Variants in MAP4K5 observed in about 807,000 individuals in gnomAD.
MAP4K5 encodes mitogen-activated protein kinase kinase kinase kinase 5.
Under a neutral mutation model 135.6 loss-of-function variants are expected in MAP4K5, and 82 were observed. The ratio of observed to expected loss-of-function variants is 0.60; its 90% CI spans 0.51 to 0.73. The LOEUF (loss-of-function observed/expected upper bound fraction) is 0.73. Ranked by LOEUF, MAP4K5 falls within the 30% of genes least tolerant of loss-of-function variation. The pLI is 0.00. For synonymous variants in MAP4K5, 347 were observed against 335.0 expected (o/e 1.04, Z -0.39); for missense variants, 907 against 1,010.9 (o/e 0.90, Z 1.39).
At chr14:50,534,891 A>G (rs1310007103), upstream of MAP4K5, among the ~76,000 whole-genome samples, 1 of 152,262 alleles carries the variant, frequency 6.6e-6, no homozygotes, top group Non-Finnish European at 1.5e-5. Context: ...ATGTACACTG[A>G]GTAAATTTAA....
At chr14:50,543,196 T>C (rs114764272) in intron 1 of MAP4K5, among the ~76,000 whole-genome samples, 8 of 152,354 alleles carry the variant, frequency 5.3e-5, no homozygotes, top group African/African-American at 1.9e-4. Flanking sequence ...GATTCAACAA[T>C]GTAGACTTCT....
At chr14:50,545,475 T>TC (rs2038619698) in intron 1 of MAP4K5, among the ~76,000 whole-genome samples, 1 of 152,126 alleles carries the variant, frequency 6.6e-6, no homozygotes, top group Non-Finnish European at 1.5e-5. Flanking sequence ...GGTGAAATAG[T>TC]CCAACTGCTC....
intron 1 of MAP4K5, among the ~76,000 whole-genome samples, chr14:50,547,214 G>A (rs888331847): frequency 7.2e-5 from 11 of 152,128 alleles, no homozygotes; most frequent in Non-Finnish European, 1.2e-4. Context: ...TGCTAAAAAC[G>A]AATGAATTGG....
chr14:50,425,499 A>C (rs1317615939), intron 31 of MAP4K5, among the ~76,000 whole-genome samples: 1 of 152,168 alleles, frequency 6.6e-6, no homozygotes, highest in Non-Finnish European at 1.5e-5. Flanking sequence ...ATAGTTACTA[A>C]ATGAGTCAAT....
chr14:50,477,426 T>TTGTA (rs2037126510), intron 6 of MAP4K5, among the ~76,000 whole-genome samples: 1 of 152,134 alleles, frequency 6.6e-6, no homozygotes, highest in African/African-American at 2.4e-5. Context: ...ATAAAGAGAG[T>TTGTA]TGTACTTCCT....
At chr14:50,489,064 T>A (rs2037427973) in intron 3 of MAP4K5, among the ~76,000 whole-genome samples, 1 of 152,230 alleles carries the variant, frequency 6.6e-6, no homozygotes, top group East Asian at 1.9e-4. Flanking sequence ...AACTGGGTGA[T>A]ACGCCAAATT....
At chr14:50,424,417 G>A (rs184636287) in intron 31 of MAP4K5, among the ~76,000 whole-genome samples, 165 of 152,076 alleles carry the variant, frequency 1.1e-3, no homozygotes, top group Non-Finnish European at 2.0e-3. Flanking sequence ...TAATCAAGAC[G>A]AATTAAAAAT....
At chr14:50,508,842 A>T (rs1346718992) in intron 2 of MAP4K5, among the ~76,000 whole-genome samples, 4 of 152,150 alleles carry the variant, frequency 2.6e-5, no homozygotes, top group African/African-American at 9.7e-5. Context: ...AAGGATCTAG[A>T]ACTAGAAATA....
chr14:50,542,211 C>T (rs1010299245), intron 2 of MAP4K5, among the ~76,000 whole-genome samples: 1 of 136,400 alleles, frequency 7.3e-6, no homozygotes, highest in Non-Finnish European at 1.5e-5. Context: ...TGTTCTCACT[C>T]ATAAGTGAGA....
intron 12 of MAP4K5, among the ~76,000 whole-genome samples, chr14:50,463,490 G>A (rs932145026): frequency 2.6e-5 from 4 of 152,112 alleles, no homozygotes; most frequent in Non-Finnish European, 4.4e-5. Flanking sequence ...TATATACACT[G>A]TTTATGGCTG....
intron 5 of MAP4K5, among the ~76,000 whole-genome samples, chr14:50,484,168 T>A (rs1464722395): frequency 6.6e-6 from 1 of 152,126 alleles, no homozygotes; most frequent in Non-Finnish European, 1.5e-5. Flanking sequence ...AAAAATTAAA[T>A]CCAGTGGCAC....
At chr14:50,427,710 T>C (rs17122524) in intron 30 of MAP4K5, among the ~76,000 whole-genome samples, 13,913 of 152,184 alleles carry the variant, frequency 0.091, 748 homozygotes, top group African/African-American at 0.16. Context: ...CTGGGGAAGA[T>C]ACTGACATAT....
intron 6 of MAP4K5, among the ~76,000 whole-genome samples, chr14:50,477,184 AG>A (rs2037121414): frequency 6.6e-6 from 1 of 152,120 alleles, no homozygotes; most frequent in Non-Finnish European, 1.5e-5. Flanking sequence ...TTCTGTATGC[AG>A]GTGTTTATGC....
chr14:50,444,524 G>A (rs917123765), intron 18 of MAP4K5, among the ~76,000 whole-genome samples: 7 of 151,990 alleles, frequency 4.6e-5, no homozygotes, highest in South Asian at 2.1e-4. Context: ...TGGGGCAGGC[G>A]GATCACTTGA....
At position 50,435,040 on chromosome 14, in the gene MAP4K5, T is replaced by A. The variant is rs771307932; in HGVS notation, c.1908A>T (p.Lys636Asn). 1 of 1,609,868 alleles carries A rather than the reference T, an allele frequency of 6.2e-7. No individual in the cohort carries two copies. Among genetic ancestry groups the A allele is most frequent in the Non-Finnish European group, 8.5e-7 (1 of 1,177,218 alleles). ...CIVRNPYTGH[K>N]YLCGALQSGI... is the part of the protein sequence containing the mutation. ...CAGACTGTAAAGCTCCACAGAGGTA[T>A]TTATGTCCCGTGTAAGGGTTTCTGA... Residue 636 changes from lysine to asparagine, a missense_variant, in exon 27 of 33, where the codon AAA (lysine) becomes AAT (asparagine). By Grantham distance (94) the Lys-to-Asn change is moderately conservative. This residue lies in a region of MAP4K5 where 690 missense variants were observed against 777.4 expected (regional missense o/e 0.89). Coordinates refer to ENST00000682126, the MANE Select transcript of MAP4K5 (RefSeq NM_006575.6).
chr14:50,435,746 T>G (rs1266151970), intron 26 of MAP4K5, among the ~76,000 whole-genome samples: 2 of 152,104 alleles, frequency 1.3e-5, no homozygotes, highest in Non-Finnish European at 2.9e-5. Context: ...AAGATGAAAA[T>G]AATTCATCTT....
chr14:50,458,237 T>C (rs1457848343), intron 13 of MAP4K5, among the ~76,000 whole-genome samples: 2 of 152,218 alleles, frequency 1.3e-5, no homozygotes, highest in African/African-American at 2.4e-5. Flanking sequence ...CTTTCTCTAA[T>C]GGAAGAGCAG....
chr14:50,525,206 C>T (rs372685526), intron 2 of MAP4K5, among the ~76,000 whole-genome samples: 2 of 152,186 alleles, frequency 1.3e-5, no homozygotes, highest in East Asian at 3.8e-4. Context: ...ACACATTCAC[C>T]TATGCAATGC....
intron 1 of MAP4K5, among the ~76,000 whole-genome samples, chr14:50,551,591 A>G (rs1208651420): frequency 1.3e-5 from 2 of 152,178 alleles, no homozygotes; most frequent in African/African-American, 4.8e-5. Flanking sequence ...ACTACAGACC[A>G]TTATCTCTGA....
Sources: allele counts gnomAD v4.1 joint callset (sites outside exome capture counted in the v4.1 genomes callset), GRCh38; gene constraint gnomAD v4.1.1; regional missense constraint gnomAD v4.1.1; transcripts MANE v1.5; gene names NCBI Gene and HGNC (gene_info 2026-07-23, HGNC 2026-07-21).